Variants in ERBIN observed in about 807,000 individuals in gnomAD.
The protein encoded by ERBIN is densin-180-like protein.
Under a neutral mutation model 158.4 loss-of-function variants are expected in ERBIN, and 60 were observed. The ratio of observed to expected loss-of-function variants is 0.38; its 90% CI spans 0.31 to 0.47. ERBIN has a LOEUF of 0.47. ERBIN is among the 20% of genes least tolerant of loss of function. The pLI, the probability that ERBIN is intolerant of heterozygous loss-of-function variation, is 0.99. For missense variants in ERBIN, 1,610 were observed against 1,648.0 expected (o/e 0.98, Z 0.40); for synonymous variants, 594 against 557.2 (o/e 1.07, Z -0.93).
chr5:65,951,703 T>G (rs1201700568), intron 1 of ERBIN, among the ~76,000 whole-genome samples: 1 of 152,242 alleles, frequency 6.6e-6, no homozygotes, highest in Non-Finnish European at 1.5e-5. Context: ...ATATCTCCAT[T>G]CGTAAAGCTA....
intron 1 of ERBIN, among the ~76,000 whole-genome samples, chr5:65,936,144 G>T (rs1744056503): frequency 6.6e-6 from 1 of 152,088 alleles, no homozygotes; most frequent in Non-Finnish European, 1.5e-5. Flanking sequence ...GTGGGAGCAT[G>T]GAGGGAGGTC....
intron 20 of ERBIN, among the ~76,000 whole-genome samples, chr5:66,051,192 G>GT (rs1175828254): frequency 1.3e-5 from 2 of 151,900 alleles, no homozygotes; most frequent in African/African-American, 4.8e-5. Context: ...TCAATCTCTG[G>GT]TTAAAAAGTT....
At chr5:66,038,292 GAA>G (rs1366791708) in intron 14 of ERBIN, 89 bp from the exon 15 acceptor site, 6 of 705,356 alleles carry the variant, frequency 8.5e-6, no homozygotes, top group Non-Finnish European at 1.4e-5. Context: ...ATACTTTATA[GAA>G]AAAGTGGTGT....
intron 15 of ERBIN, among the ~76,000 whole-genome samples, chr5:66,040,225 A>T (rs1490311329): frequency 2.0e-5 from 3 of 151,892 alleles, no homozygotes; most frequent in African/African-American, 7.2e-5. Flanking sequence ...CCCTTTATAG[A>T]AAAAGTTTAC....
intron 14 of ERBIN, among the ~76,000 whole-genome samples, chr5:66,035,978 C>A (rs13358428): frequency 0.058 from 8,752 of 152,010 alleles, 880 homozygotes; most frequent in African/African-American, 0.2. Context: ...AGTACCAGCT[C>A]CTTGGGAGGC....
intron 22 of ERBIN, among the ~76,000 whole-genome samples, chr5:66,072,605 T>G (rs1761627831): frequency 1.3e-5 from 2 of 152,206 alleles, no homozygotes; most frequent in African/African-American, 4.8e-5. Context: ...GTAAAACTAT[T>G]TGGAGAATTG....
At position 66,025,956 on chromosome 5, in the gene ERBIN, C is replaced by CT; in HGVS notation, c.1001dup (p.Leu334PhefsTer23). 6.3e-7 allele frequency: 1 copy of CT among 1,586,784 alleles called. No individual in the cohort carries two copies. Among genetic ancestry groups the CT allele is most frequent in the Non-Finnish European group, 8.5e-7 (1 of 1,169,852 alleles). On this transcript the variant is annotated frameshift_variant, in exon 12 of 26. Transcript: ENST00000284037. LOFTEE classifies it high-confidence loss of function. ...GAACTTTTGCTGCTGATCATAATTA[C>CT]TTACAGCAGTTGCCCCCAGAGGTAA...
intron 4 of ERBIN, among the ~76,000 whole-genome samples, chr5:66,003,841 C>G (rs1206365669): frequency 1.4e-5 from 2 of 147,926 alleles, no homozygotes; most frequent in Admixed American, 1.3e-4. Context: ...GAGAGTTCTT[C>G]TGTAACTGAG....
chr5:65,978,567 G>C (rs1750292226), intron 1 of ERBIN, among the ~76,000 whole-genome samples: 1 of 152,242 alleles, frequency 6.6e-6, no homozygotes, highest in Non-Finnish European at 1.5e-5. Context: ...CTGTGTAGGT[G>C]AATGTGGCAG....
At chr5:65,943,670 T>C (rs1459270110) in intron 1 of ERBIN, among the ~76,000 whole-genome samples, 2 of 152,234 alleles carry the variant, frequency 1.3e-5, no homozygotes, top group African/African-American at 4.8e-5. Context: ...TTTGGATTTA[T>C]ATATTTTTCT....
At position 66,026,430 on chromosome 5, in the gene ERBIN, A is replaced by G. The variant is rs1451504950; in HGVS notation, c.1136+13A>G. ...TAAGTGATAATAGGTTCGTAATACTATATTCATCAGTTGGTTTATAGGAGA... is the reference window on the plus strand; with the variant it reads ...TAAGTGATAATAGGTTCGTAATACTGTATTCATCAGTTGGTTTATAGGAGA... On this transcript the variant is annotated intron_variant, in intron 13 of 25. Transcript: ENST00000284037. 1.5e-5 allele frequency: 22 copies of G among 1,428,126 alleles called. No homozygotes were observed. Among genetic ancestry groups the G allele is most frequent in the Non-Finnish European group, 2.0e-5 (21 of 1,033,532 alleles). The allele number at this position is 1,428,126 out of a possible 1,614,324, so 88.5% of individuals were successfully genotyped here.
chr5:65,958,254 G>A (rs1747479642), intron 1 of ERBIN, among the ~76,000 whole-genome samples: 2 of 152,146 alleles, frequency 1.3e-5, no homozygotes, highest in South Asian at 4.1e-4. Context: ...GGCACTTTGG[G>A]AGGCCAAGGC....
At chr5:66,018,628 A>AT (rs1259858036) in intron 7 of ERBIN, among the ~76,000 whole-genome samples, 6 of 102,388 alleles carry the variant, frequency 5.9e-5, no homozygotes, top group Non-Finnish European at 1.2e-4. Context: ...ACACATATAG[A>AT]TTTTTTTTTA....
chr5:66,018,296 G>A (rs1755013744), intron 7 of ERBIN, among the ~76,000 whole-genome samples: 1 of 147,504 alleles, frequency 6.8e-6, no homozygotes, highest in South Asian at 2.1e-4. Flanking sequence ...TAATCCATGA[G>A]CATGGAGTAT....
chr5:65,995,835 A>AT (rs774206932), intron 4 of ERBIN, among the ~76,000 whole-genome samples: 7 of 152,038 alleles, frequency 4.6e-5, no homozygotes, highest in Non-Finnish European at 8.8e-5. Flanking sequence ...CTCACTGTAG[A>AT]TTTAATTTGC....
intron 4 of ERBIN, among the ~76,000 whole-genome samples, chr5:65,999,706 G>C (rs1009967721): frequency 2.6e-5 from 4 of 152,142 alleles, no homozygotes; most frequent in Non-Finnish European, 5.9e-5. Context: ...TAGATCAGTT[G>C]GCTTTTGATT....
At chr5:66,005,401 A>G (rs1753477830) in intron 4 of ERBIN, among the ~76,000 whole-genome samples, 1 of 152,156 alleles carries the variant, frequency 6.6e-6, no homozygotes, top group African/African-American at 2.4e-5. Context: ...CTAGTTGTTC[A>G]TAGGGGTCTG....
At chr5:66,076,517 A>T (rs1023092620) in intron 24 of ERBIN, 109 bp downstream of exon 24, 2 of 847,096 alleles carry the variant, frequency 2.4e-6, no homozygotes, top group Admixed American at 2.5e-5. Flanking sequence ...CTAGGTAGAC[A>T]TCACCTGGAT....
At chr5:66,062,707 G>A (rs1263944332) in intron 21 of ERBIN, among the ~76,000 whole-genome samples, 1 of 152,182 alleles carries the variant, frequency 6.6e-6, no homozygotes, top group African/African-American at 2.4e-5. Flanking sequence ...GTGATGTACA[G>A]ATGGGTTTTT....
Sources: allele counts gnomAD v4.1 joint callset (sites outside exome capture counted in the v4.1 genomes callset), GRCh38; gene constraint gnomAD v4.1.1; transcripts MANE v1.5; gene names NCBI Gene and HGNC (gene_info 2026-07-23, HGNC 2026-07-21).